The following COL5A3 variants were observed in gnomAD, a reference collection of about 807,000 sequenced individuals.
COL5A3 encodes collagen alpha-3(V) chain.
Under a neutral mutation model 250.0 loss-of-function variants are expected in COL5A3, and 172 were observed. The observed-to-expected ratio is 0.69, with a 90% CI of 0.61 to 0.78. The LOEUF (loss-of-function observed/expected upper bound fraction) is 0.78, where lower values mean the gene tolerates loss of function less well. Ranked by LOEUF, COL5A3 falls within the 30% of genes least tolerant of loss-of-function variation. COL5A3 has a pLI of 0.00. For missense variants in COL5A3, 2,340 were observed against 2,334.4 expected (o/e 1.00, Z -0.05); for synonymous variants, 937 against 900.4 (o/e 1.04, Z -0.73).
Position 9,986,776 on chromosome 19 carries a change from A to AG in COL5A3, c.2146-19_2146-18insC. The AG allele has an allele frequency of 6.2e-7, 1 of 1,612,864 alleles. No individual in the cohort carries two copies. The highest frequency in any genetic ancestry group is 2.2e-5 in the East Asian group (1 of 44,828). ...GAAGTGCCCTGGAAAATAAAAAAAAAAAGCTCTCAAGCCTCTTCCCTGCTT... is the reference window on the plus strand; with the variant it reads ...GAAGTGCCCTGGAAAATAAAAAAAAAGAAGCTCTCAAGCCTCTTCCCTGCTT... On this transcript the variant is annotated intron_variant, in intron 27 of 66. Coordinates refer to ENST00000264828, the MANE Select transcript of COL5A3 (RefSeq NM_015719.4).
At position 9,993,052 on chromosome 19, in the gene COL5A3, G is replaced by A. The variant is rs368937435; in HGVS notation, c.1765C>T (p.Pro589Ser). ...EDGERGAEGPPGPTGQAGEPG... is the reference protein window; with the variant it reads ...EDGERGAEGPSGPTGQAGEPG... The stretch of plus-strand genomic sequence containing the variant: ...TCCCCAGCCTGGCCAGTGGGCCCTG[G>A]AGGTCCCTCTGCTCCCTGTGGAAAA... The change falls in exon 20 of 67, where the codon CCA (proline) becomes TCA (serine). Residue 589 changes from proline to serine, a missense_variant. Coordinates refer to ENST00000264828, the MANE Select transcript of COL5A3 (RefSeq NM_015719.4). 4 of 1,613,916 alleles carry A rather than the reference G, an allele frequency of 2.5e-6. No homozygotes were observed. Among genetic ancestry groups the A allele is most frequent in the Non-Finnish European group, 3.4e-6 (4 of 1,179,916 alleles).
intron 64 of COL5A3, among the ~76,000 whole-genome samples, chr19:9,963,561 T>G (rs1184530604): frequency 0.011 from 451 of 40,074 alleles, 4 homozygotes; most frequent in African/African-American, 0.02. Context: ...CTGTTTTTTT[T>G]GGGGGGGGGG....
In COL5A3 at chr19:9,997,376, G is replaced by C. The variant is rs1314048372; in HGVS notation, c.1258C>G (p.Pro420Ala). The C allele has an allele frequency of 6.2e-7, 1 of 1,608,672 alleles. No homozygotes were observed. Among genetic ancestry groups the C allele is most frequent in the Non-Finnish European group, 8.5e-7 (1 of 1,177,632 alleles). The change falls in exon 11 of 67, where the codon CCA becomes GCA. Residue 420 changes from proline to alanine, a missense_variant. Pro to Ala is a conservative substitution (Grantham distance 27). Transcript: ENST00000264828. ...CCCCAGTGGGAGTCTCTTACCGGTG[G>C]ACCAGGGTCGCCAGGGAATCCTGGG... Reference protein sequence around the residue: ...GPPGFPGDPGPPGPAGLPGIP... With the variant: ...GPPGFPGDPGAPGPAGLPGIP...
Position 9,968,007 on chromosome 19 carries a change from A to T in COL5A3, c.4368+19T>A. On this transcript the variant is annotated intron_variant, in intron 60 of 66. Transcript: ENST00000264828. The surrounding 1 kb of genome is among the most constrained non-coding windows in gnomAD (Gnocchi z 4.1). ...CACCACAGTGACCTCATCCCACAAA[A>T]GATTCCCTGCATACTCACCGCCACA... 2 of 1,595,886 alleles carry T rather than the reference A, an allele frequency of 1.3e-6. No individual in the cohort carries two copies.
At position 9,967,957 on chromosome 19, in the gene COL5A3, G is replaced by T. The variant is rs1315948186; in HGVS notation, c.4369-18C>A. Reference sequence around the variant, plus strand: ...AGAGGGCCCTGTAGGGTACAGACAGGGAGAGCTGAGGTCCTGGCCTGGACC... The same window carrying T: ...AGAGGGCCCTGTAGGGTACAGACAGTGAGAGCTGAGGTCCTGGCCTGGACC... On this transcript the variant is annotated intron_variant, in intron 60 of 66. Coordinates refer to ENST00000264828, the MANE Select transcript of COL5A3 (RefSeq NM_015719.4). 1 of 1,610,756 alleles carries T rather than the reference G, an allele frequency of 6.2e-7. No individual in the cohort carries two copies. Among genetic ancestry groups the T allele is most frequent in the South Asian group, 1.1e-5 (1 of 90,402 alleles).
chr19:9,990,392 C>CAAAAAAA lies in COL5A3; in HGVS notation c.1993-877_1993-871dup, dbSNP rs879496349. Among the ~76,000 whole-genome samples, 362 of 81,780 alleles carry CAAAAAAA rather than the reference C, an allele frequency of 4.4e-3. 6 individuals are homozygous for CAAAAAAA. Among genetic ancestry groups the CAAAAAAA allele is most frequent in the African/African-American group, 0.011 (257 of 24,216 alleles). The allele number at this position is 81,780 out of a possible 152,430, so 53.7% of individuals were successfully genotyped here. A position where few individuals can be genotyped will look rare whatever the true frequency, so the allele number is the denominator to read the frequency against. On this transcript the variant is annotated intron_variant, in intron 24 of 66. Coordinates refer to ENST00000264828, the MANE Select transcript of COL5A3 (RefSeq NM_015719.4). The stretch of plus-strand genomic sequence containing the variant: ...CTGGACAACAAGAGTGAAATTCTGT[C>CAAAAAAA]AAAAAAAAAAAAAAAACTAAAATAG...
At chr19:9,995,723 G>A in intron 15 of COL5A3, 106 bp from the exon 16 acceptor site, 1 of 831,560 alleles carries the variant, frequency 1.2e-6, no homozygotes, top group Non-Finnish European at 1.8e-6. Flanking sequence ...TATTGCCCAG[G>A]CCAGACACCT....
chr19:9,967,081 G>A (rs1279021289), intron 62 of COL5A3, among the ~76,000 whole-genome samples: 2 of 152,018 alleles, frequency 1.3e-5, no homozygotes, highest in Non-Finnish European at 2.9e-5. Flanking sequence ...TAAGGGAGAT[G>A]GACAGAGACA....
In COL5A3 at chr19:10,001,611, C is replaced by T. The variant is rs1427829471; in HGVS notation, c.1023G>A (p.Arg341=). Residue 341 remains arginine, a synonymous_variant, in exon 8 of 67, where the codon AGG becomes AGA. Transcript: ENST00000264828. ...ELGTLETKAA[R]EDEEGDDSTM... ...TGGAATCATCTCCTTCTTCATCCTC[C>T]CTGGCTGCCTTGGTCTCCAGGGTCC... 5.6e-6 allele frequency: 9 copies of T among 1,613,988 alleles called. No individual in the cohort carries two copies. Among genetic ancestry groups the T allele is most frequent in the African/African-American group, 1.3e-5 (1 of 74,902 alleles).
chr19:9,993,120 C>T (rs2087218351), intron 19 of COL5A3, 53 bp from the exon 20 acceptor site: 1 of 1,579,794 alleles, frequency 6.3e-7, no homozygotes, highest in African/African-American at 1.3e-5. Context: ...CTCGGAGAGC[C>T]ACCTCCCCTC....
Position 9,968,576 on chromosome 19 carries a change from T to C in COL5A3, c.4207-84A>G. On this transcript the variant is annotated intron_variant, in intron 58 of 66. Transcript: ENST00000264828. This position sits in a 1 kb window ranked among gnomAD's most constrained non-coding sequence, Gnocchi z 4.1. ...CTCCTAGAGCCTTAGGGTGATGAGT[T>C]TGGGAGCAGAGGATGCACCAATCTC... 2 of 1,579,576 alleles carry C rather than the reference T, an allele frequency of 1.3e-6. No individual in the cohort carries two copies. The highest frequency in any genetic ancestry group is 2.2e-5 in the East Asian group (1 of 44,620).
Position 9,979,876 on chromosome 19 carries a change from T to A in COL5A3, c.2675A>T (p.Asp892Val). The change falls in exon 37 of 67, where the codon GAT becomes GTT. Residue 892 changes from aspartate to valine, a missense_variant. Around this residue, in one of 3 missense-constraint regions of COL5A3, gnomAD observed 1,179 missense variants for 1,162.6 expected, o/e 1.01. Coordinates refer to ENST00000264828, the MANE Select transcript of COL5A3 (RefSeq NM_015719.4). ...PKGPPGHQGK[D>V]GRPGHPGQRG... ...CTGTCCAGGGTGCCCTGGTCGCCCA[T>A]CTTTACCTTGGTGACCCTGGGGGAT... 6.3e-7 allele frequency: 1 copy of A among 1,575,010 alleles called. No individual in the cohort carries two copies. Among genetic ancestry groups the A allele is most frequent in the Non-Finnish European group, 8.6e-7 (1 of 1,168,132 alleles).
intron 37 of COL5A3, among the ~76,000 whole-genome samples, 166 bp from the exon 38 acceptor site, chr19:9,979,583 A>G (rs886341554): frequency 6.6e-6 from 1 of 152,074 alleles, no homozygotes; most frequent in African/African-American, 2.4e-5. Context: ...TGAAGCCAGG[A>G]GTTTGAGAGC....
chr19:10,002,450 A>T lies in COL5A3; in HGVS notation c.850-569T>A, dbSNP rs1362051182. 2.2e-5 allele frequency among the ~76,000 whole-genome samples: 3 copies of T among 134,862 alleles called. No homozygotes were observed. The East Asian group carries it at 7.7e-4, about 35-fold the overall frequency. The allele number at this position is 134,862 out of a possible 152,430, so 88.5% of individuals were successfully genotyped here. On this transcript the variant is annotated intron_variant, in intron 6 of 66. Coordinates refer to ENST00000264828, the MANE Select transcript of COL5A3 (RefSeq NM_015719.4). Reference sequence around the variant, plus strand: ...CACCAGCCAAAGACCCCAAGCAATGACCCCCACCAAGGACCCCCCAACCCA... The same window carrying T: ...CACCAGCCAAAGACCCCAAGCAATGTCCCCCACCAAGGACCCCCCAACCCA...
At position 9,960,765 on chromosome 19, in the gene COL5A3, G is replaced by A. The variant is rs138556491; in HGVS notation, c.4977C>T (p.Asp1659=). 291 of 1,614,030 alleles carry A rather than the reference G, an allele frequency of 1.8e-4. No homozygotes were observed. The highest frequency in any genetic ancestry group is 4.6e-4 in the South Asian group (42 of 91,082). ...YSCQNAAAWL[D]EATGDYSHSA... ...AGTGGCTGTAGTCACCCGTGGCTTC[G>A]TCCAGCCAGGCAGCTGCATTCTGGC... The change falls in exon 66 of 67, where the codon GAC becomes GAT. Residue 1659 remains aspartate, a synonymous_variant. Transcript: ENST00000264828.
chr19:9,969,457 A>AC (rs370902848), intron 56 of COL5A3, 55 bp from the exon 57 acceptor site: 4,304 of 1,527,222 alleles, frequency 2.8e-3, no homozygotes, highest in South Asian at 6.2e-3. Flanking sequence ...CACAGTGTGG[A>AC]CCCCCCCCCG....
At chr19:9,988,859 G>GAGAGAGAGAAAGAAAGAAAGA (rs2087144417) in intron 27 of COL5A3, among the ~76,000 whole-genome samples, 1 of 76,250 alleles carries the variant, frequency 1.3e-5, no homozygotes, top group African/African-American at 5.7e-5. Flanking sequence ...AAAAAAAAAA[G>GAGAGAGAGAAAGAAAGAAAGA]AAAGTAAAGA....
chr19:9,965,275 C>T (rs2086726545), intron 64 of COL5A3, among the ~76,000 whole-genome samples: 1 of 151,122 alleles, frequency 6.6e-6, no homozygotes, highest in Admixed American at 6.6e-5. Flanking sequence ...CTGCCTCAGC[C>T]TCCCGAGTAG....
rs751560840 is a variant in COL5A3, at chr19:9,971,272, T to C, written c.3775-14A>G. 99 of 1,557,792 alleles carry C rather than the reference T, an allele frequency of 6.4e-5. No individual in the cohort carries two copies. The highest frequency in any genetic ancestry group is 8.2e-5 in the Non-Finnish European group (95 of 1,157,152). On this transcript the variant is annotated splice_polypyrimidine_tract_variant and intron_variant, in intron 51 of 66. Transcript: ENST00000264828. ...CCCCGTGGGGCCCTGGAACACAGAA[T>C]GATTAATAATCACATCTCTGAATTG...
Sources: gnomAD v4.1 joint callset for allele counts (sites outside exome capture counted in the v4.1 genomes callset) on GRCh38, gnomAD v4.1.1 for gene constraint, gnomAD v4.1.1 regional missense constraint, Gnocchi (gnomAD v3.1) non-coding constraint, MANE v1.5 for transcripts, NCBI Gene and HGNC (gene_info 2026-07-23, HGNC 2026-07-21) for gene names.